The following CAT variants were observed in gnomAD, a reference collection of about 807,000 sequenced individuals.
CAT encodes catalase.
CAT carries 43 observed loss-of-function variants against 59.0 expected under a neutral mutation model. The ratio of observed to expected loss-of-function variants is 0.73; its 90% CI spans 0.57 to 0.94. The LOEUF (loss-of-function observed/expected upper bound fraction) is 0.94. CAT is among the 40% of genes least tolerant of loss of function. The pLI is 0.00. For synonymous variants in CAT, 218 were observed against 230.9 expected, an observed-to-expected ratio of 0.94 and a Z score of 0.51; for missense variants, 664 against 682.9, an observed-to-expected ratio of 0.97 and a Z score of 0.31.
chr11:34,450,922 C>T (rs1002194488), intron 2 of CAT, 66 bp from the exon 3 acceptor site: 2 of 1,009,986 alleles, frequency 2.0e-6, no homozygotes, highest in Non-Finnish European at 3.2e-6. Flanking sequence ...CACCCAGGTG[C>T]CTGTTGAGGA....
At chr11:34,468,222 T>C in intron 10 of CAT, 66 bp from the exon 11 acceptor site, 2 of 1,032,474 alleles carry the variant, frequency 1.9e-6, no homozygotes, top group South Asian at 2.5e-5. Context: ...AGTGTTGTAG[T>C]AGGTGAATTT....
At chr11:34,447,467 A>G in intron 1 of CAT, among the ~76,000 whole-genome samples, 1 of 152,300 alleles carries the variant, frequency 6.6e-6, no homozygotes, top group Non-Finnish European at 1.5e-5. Context: ...ACAGAGGGTA[A>G]CACGTATTAG....
At chr11:34,441,083 C>T (rs530021235) in intron 1 of CAT, among the ~76,000 whole-genome samples, 1 of 152,296 alleles carries the variant, frequency 6.6e-6, no homozygotes, top group East Asian at 1.9e-4. Flanking sequence ...TTGGCAGTCA[C>T]ATTGATGTCT....
chr11:34,450,777 G>A (rs944653847), intron 2 of CAT, among the ~76,000 whole-genome samples: 2 of 152,130 alleles, frequency 1.3e-5, no homozygotes, highest in South Asian at 2.1e-4. Context: ...CCAGCTATGT[G>A]GCATTCGACT....
At chr11:34,463,949 A>G (rs959096554) in intron 9 of CAT, among the ~76,000 whole-genome samples, 156 bp from the exon 10 acceptor site, 47 of 152,228 alleles carry the variant, frequency 3.1e-4, no homozygotes, top group African/African-American at 1.1e-3. Flanking sequence ...TAAATGCGGG[A>G]AATTAAAAAT....
chr11:34,471,193 T>C, intron 12 of CAT, 152 bp downstream of exon 12: 1 of 906,826 alleles, frequency 1.1e-6, no homozygotes, highest in East Asian at 2.5e-5. Context: ...ATTTGAGAGA[T>C]AAAGAATTCA....
Position 34,471,551 on chromosome 11 carries a change from G to T in CAT, c.*118G>T. 1 of 821,860 alleles carries T rather than the reference G, an allele frequency of 1.2e-6. No homozygotes were observed. Among genetic ancestry groups the T allele is most frequent in the South Asian group, 1.4e-5 (1 of 73,698 alleles). The allele number at this position is 821,860 out of a possible 1,614,324, so 50.9% of individuals were successfully genotyped here. On this transcript the variant is annotated 3_prime_UTR_variant, in exon 13 of 13. Coordinates refer to ENST00000241052, the MANE Select transcript of CAT (RefSeq NM_001752.4). ...AATGCAAGCTAGTGGCTTCAAAATA[G>T]AGAATCCCACTTTCTATAGCAGATT...
At position 34,449,349 on chromosome 11, in the gene CAT, A is replaced by T. The variant is rs142811338; in HGVS notation, c.224A>T (p.His75Leu). 5 of 1,614,080 alleles carry T rather than the reference A, an allele frequency of 3.1e-6. No individual in the cohort carries two copies. In the African/African-American group the frequency reaches 5.3e-5, roughly 17 times the overall value. Residue 75 changes from histidine (H) to leucine (L), a missense_variant, in exon 2 of 13, where the codon CAT (histidine) becomes CTT (leucine). Transcript: ENST00000241052. ...DRERIPERVV[H>L]AKGAGAFGYF... The stretch of plus-strand genomic sequence containing the variant: ...GAGAGAATTCCTGAGAGAGTTGTGC[A>T]TGCTAAAGGAGCAGGTAAGTGCTGT...
chr11:34,444,154 C>T (rs1590298346), intron 1 of CAT, among the ~76,000 whole-genome samples: 1 of 152,046 alleles, frequency 6.6e-6, no homozygotes, highest in African/African-American at 2.4e-5. Flanking sequence ...CTGTGTCTTG[C>T]GTGTTGGCGA....
At chr11:34,447,916 A>G (rs1856477949) in intron 1 of CAT, among the ~76,000 whole-genome samples, 1 of 152,210 alleles carries the variant, frequency 6.6e-6, no homozygotes, top group Non-Finnish European at 1.5e-5. Flanking sequence ...CCCAGGCTCT[A>G]GTGCTGGCAC....
chr11:34,461,458 A>G, intron 9 of CAT, 69 bp downstream of exon 9: 4 of 1,577,576 alleles, frequency 2.5e-6, no homozygotes, highest in Non-Finnish European at 3.5e-6. Flanking sequence ...GCGGGAGGCC[A>G]GGCCAGTGGC....
intron 10 of CAT, among the ~76,000 whole-genome samples, chr11:34,467,381 G>A (rs1266898889): frequency 2.0e-5 from 3 of 152,124 alleles, no homozygotes; most frequent in Non-Finnish European, 2.9e-5. Context: ...TGTGTTAATC[G>A]AAAATGTCTG....
intron 7 of CAT, 140 bp from the exon 8 acceptor site, chr11:34,456,525 C>T (rs773818107): frequency 4.6e-5 from 38 of 834,112 alleles, no homozygotes; most frequent in Non-Finnish European, 6.9e-5. Flanking sequence ...CTAAGGCACT[C>T]ATCTTAAATT....
intron 1 of CAT, among the ~76,000 whole-genome samples, chr11:34,447,747 G>A (rs1856474943): frequency 6.6e-6 from 1 of 152,240 alleles, no homozygotes; most frequent in South Asian, 2.1e-4. Flanking sequence ...GCATATATGT[G>A]TTGAATGTGT....
At chr11:34,469,945 C>T (rs1039148953) in intron 11 of CAT, among the ~76,000 whole-genome samples, 2 of 152,208 alleles carry the variant, frequency 1.3e-5, no homozygotes, top group African/African-American at 2.4e-5. Flanking sequence ...GGATTTCGGG[C>T]GTGAGCCACT....
At chr11:34,463,829 C>T (rs1856680596) in intron 9 of CAT, among the ~76,000 whole-genome samples, 1 of 152,188 alleles carries the variant, frequency 6.6e-6, no homozygotes, top group Admixed American at 6.5e-5. Flanking sequence ...ATAGATGAGA[C>T]CCTTTGAAGT....
At chr11:34,439,567 G>T (rs1027449572) in intron 1 of CAT, among the ~76,000 whole-genome samples, 1 of 152,164 alleles carries the variant, frequency 6.6e-6, no homozygotes, top group African/African-American at 2.4e-5. Context: ...TGACTGGTAC[G>T]TACTATGCAC....
At chr11:34,465,119 T>G (rs1856699834) in intron 10 of CAT, among the ~76,000 whole-genome samples, 1 of 152,226 alleles carries the variant, frequency 6.6e-6, no homozygotes, top group African/African-American at 2.4e-5. Context: ...CCAGTGCAAC[T>G]TATACCACAC....
In CAT at chr11:34,460,430, A is replaced by G. The variant is rs17883534; in HGVS notation, c.1057-821A>G. Among the ~76,000 whole-genome samples, 264 of 145,106 alleles carry G rather than the reference A, an allele frequency of 1.8e-3. 2 individuals carry two copies. Among genetic ancestry groups the G allele is most frequent in the African/African-American group, 6.6e-3 (255 of 38,848 alleles). On this transcript the variant is annotated intron_variant, in intron 8 of 12. Transcript: ENST00000241052. ...TTTCTGAGATAATTCAGAAGGCAGCATGGGAGTGGGCGGTACTTTTTTTTT... is the reference window on the plus strand; with the variant it reads ...TTTCTGAGATAATTCAGAAGGCAGCGTGGGAGTGGGCGGTACTTTTTTTTT...
Sources: allele counts gnomAD v4.1 joint callset (sites outside exome capture counted in the v4.1 genomes callset), GRCh38; gene constraint gnomAD v4.1.1; transcripts MANE v1.5; gene names NCBI Gene and HGNC (gene_info 2026-07-23, HGNC 2026-07-21).